Variants in DOCK5 observed in about 807,000 individuals in gnomAD.
DOCK5 encodes dedicator of cytokinesis 5, also known as dedicator of cytokinesis protein 5.
DOCK5 carries 142 observed loss-of-function variants against 251.8 expected under a neutral mutation model. The observed-to-expected ratio is 0.56, with a 90% confidence interval of 0.49 to 0.65. The LOEUF is 0.65. DOCK5 is among the 30% of genes least tolerant of loss of function. DOCK5 has a pLI of 0.00. For synonymous variants in DOCK5, 842 were observed against 835.5 expected (o/e 1.01, Z -0.13); for missense variants, 2,111 against 2,312.3 (o/e 0.91, Z 1.79).
intron 1 of DOCK5, among the ~76,000 whole-genome samples, chr8:25,220,241 AG>A (rs1447193622): frequency 6.6e-6 from 1 of 151,694 alleles, no homozygotes; most frequent in Admixed American, 6.6e-5. Flanking sequence ...TTCCTGTTAG[AG>A]AATTTCCCCA....
intron 46 of DOCK5, among the ~76,000 whole-genome samples, chr8:25,400,330 C>G (rs1002460334): frequency 2.0e-5 from 3 of 151,852 alleles, no homozygotes; most frequent in African/African-American, 7.3e-5. Flanking sequence ...GAAACCCCAT[C>G]TCTACTAAAA....
At chr8:25,361,645 T>C (rs946726041) in intron 28 of DOCK5, among the ~76,000 whole-genome samples, 11 of 152,036 alleles carry the variant, frequency 7.2e-5, no homozygotes, top group Non-Finnish European at 1.2e-4. Flanking sequence ...AAATAAAATA[T>C]ATGATGAAAC....
At chr8:25,329,974 T>G (rs765758552) in intron 18 of DOCK5, among the ~76,000 whole-genome samples, 22 of 152,164 alleles carry the variant, frequency 1.4e-4, no homozygotes, top group Non-Finnish European at 2.8e-4. Flanking sequence ...CCAAAATATT[T>G]TCCTATGTGA....
chr8:25,226,043 T>A (rs1178354040), intron 1 of DOCK5, among the ~76,000 whole-genome samples: 1 of 152,200 alleles, frequency 6.6e-6, no homozygotes, highest in African/African-American at 2.4e-5. Context: ...AATGTTATGC[T>A]ATGTTTATTT....
At chr8:25,220,834 C>A (rs1563312892) in intron 1 of DOCK5, among the ~76,000 whole-genome samples, 3 of 152,132 alleles carry the variant, frequency 2.0e-5, no homozygotes, top group African/African-American at 4.8e-5. Context: ...GAACTCCTGA[C>A]TTCAGGTGAT....
At chr8:25,362,370 G>C (rs924460726) in intron 28 of DOCK5, among the ~76,000 whole-genome samples, 2 of 151,892 alleles carry the variant, frequency 1.3e-5, no homozygotes, top group Non-Finnish European at 2.9e-5. Flanking sequence ...GATAAGGGTT[G>C]CAAACTTGGG....
Position 25,321,020 on chromosome 8 carries a change from G to T in DOCK5, c.1583G>T (p.Arg528Ile). The T allele has an allele frequency of 6.2e-7, 1 of 1,613,576 alleles. No homozygotes were observed. The highest frequency in any genetic ancestry group is 2.2e-5 in the East Asian group (1 of 44,872). Residue 528 changes from arginine (R) to isoleucine (I), a missense_variant, in exon 16 of 52, where the codon AGA becomes ATA. Around this residue, in one of 3 missense-constraint regions of DOCK5, gnomAD observed 1,717 missense variants for 1,892.4 expected, o/e 0.91. Transcript: ENST00000276440. ...GAAGAAGTCACACGCTGTCATATAA[G>T]ATTTACCTTCCGACACAGGTCATCT... ...AIEEVTRCHIRFTFRHRSSQE... is the reference protein window; with the variant it reads ...AIEEVTRCHIIFTFRHRSSQE...
intron 1 of DOCK5, among the ~76,000 whole-genome samples, chr8:25,189,528 T>G (rs903691676): frequency 6.6e-6 from 1 of 151,974 alleles, no homozygotes; most frequent in African/African-American, 2.4e-5. Context: ...AACCAGTTGA[T>G]TTTTGTATTT....
At chr8:25,275,504 A>C (rs1804025181) in intron 4 of DOCK5, 63 bp downstream of exon 4, 1 of 1,493,648 alleles carries the variant, frequency 6.7e-7, no homozygotes, top group Non-Finnish European at 9.2e-7. Context: ...CATTAATGAT[A>C]ATCTTTAGGC....
chr8:25,367,179 C>A (rs1800792381), intron 31 of DOCK5, among the ~76,000 whole-genome samples: 1 of 152,194 alleles, frequency 6.6e-6, no homozygotes, highest in Non-Finnish European at 1.5e-5. Context: ...CATCAGTCAT[C>A]CCATGCTTTT....
intron 12 of DOCK5, 97 bp downstream of exon 12, chr8:25,309,022 A>G: frequency 1.4e-6 from 2 of 1,473,170 alleles, no homozygotes; most frequent in South Asian, 2.8e-5. Flanking sequence ...TCTTTCTCTG[A>G]TACAAAACAG....
chr8:25,215,444 T>C (rs569626650), intron 1 of DOCK5, among the ~76,000 whole-genome samples: 17 of 152,132 alleles, frequency 1.1e-4, no homozygotes, highest in Middle Eastern at 3.4e-3. Context: ...GTGTTTCTTC[T>C]ACACCCCGAT....
At position 25,329,255 on chromosome 8, in the gene DOCK5, T is replaced by A. The variant is rs1004913572; in HGVS notation, c.1904-2996T>A. On this transcript the variant is annotated intron_variant, in intron 18 of 51. Coordinates refer to ENST00000276440, the MANE Select transcript of DOCK5 (RefSeq NM_024940.8). ...GTATATTGTTTCATTTTGCATTTTT[T>A]AATTTTATGTTAATAAATTAAATTA... 8.5e-5 allele frequency among the ~76,000 whole-genome samples: 13 copies of A among 152,352 alleles called. No individual in the cohort carries two copies. In the East Asian group the frequency reaches 1.5e-3, roughly 18 times the overall value.
rs192529719 is a variant in DOCK5, at chr8:25,385,520, T to C, written c.4131+2742T>C. On this transcript the variant is annotated intron_variant, in intron 40 of 51. Coordinates refer to ENST00000276440, the MANE Select transcript of DOCK5 (RefSeq NM_024940.8). Reference sequence around the variant, plus strand: ...ATCATTGGAGGGGGTAGTTGAACCATTTACTGGGACAGGAGGACCGGAAAA... The same window carrying C: ...ATCATTGGAGGGGGTAGTTGAACCACTTACTGGGACAGGAGGACCGGAAAA... Among the ~76,000 whole-genome samples, 293 of 152,172 alleles carry C rather than the reference T, an allele frequency of 1.9e-3. 2 individuals are homozygous for C. The highest frequency in any genetic ancestry group is 1.5e-3 in the Non-Finnish European group (102 of 67,994).
rs1805745479 is a variant in DOCK5 at position 25,334,166 on chromosome 8, A to G, written c.2162A>G (p.Tyr721Cys). ...HFNPVLETYI[Y>C]KHFSATLAYV... The stretch of plus-strand genomic sequence containing the variant: ...AATCCTGTACTTGAAACCTACATTT[A>G]CAAGCACTTCAGCGCCACTTTGGCA... The change falls in exon 21 of 52, where the codon TAC (tyrosine) becomes TGC (cysteine). Residue 721 changes from tyrosine to cysteine, a missense_variant. Physicochemically the swap from Tyr to Cys is radical, Grantham distance 194. This residue lies in a region of DOCK5 where 1,717 missense variants were observed against 1,892.4 expected (regional missense o/e 0.91). Coordinates refer to ENST00000276440, the MANE Select transcript of DOCK5 (RefSeq NM_024940.8). 1 of 1,613,880 alleles carries G rather than the reference A, an allele frequency of 6.2e-7. No individual in the cohort carries two copies.
intron 1 of DOCK5, among the ~76,000 whole-genome samples, chr8:25,203,380 A>G (rs1317147210): frequency 1.3e-5 from 2 of 152,236 alleles, no homozygotes; most frequent in Non-Finnish European, 2.9e-5. Flanking sequence ...AAATTGTTTG[A>G]TAGCTTCAGG....
intron 1 of DOCK5, among the ~76,000 whole-genome samples, chr8:25,217,176 GGAGA>G (rs557812748): frequency 4.7e-5 from 7 of 147,620 alleles, no homozygotes; most frequent in East Asian, 2.0e-4. Context: ...CCTGTTGTAG[GGAGA>G]GAGAGAGATA....
chr8:25,359,155 C>T (rs1000766871), intron 28 of DOCK5, 94 bp downstream of exon 28: 9 of 1,061,840 alleles, frequency 8.5e-6, no homozygotes, highest in South Asian at 6.6e-5. Context: ...CCAGGGTTCT[C>T]TTCCCACGCA....
At chr8:25,359,491 A>G (rs1586360542) in intron 28 of DOCK5, among the ~76,000 whole-genome samples, 1 of 152,222 alleles carries the variant, frequency 6.6e-6, no homozygotes. Flanking sequence ...TGCCCTTTAC[A>G]ACTGGTCCGT....
Sources: gnomAD v4.1 joint callset for allele counts (sites outside exome capture counted in the v4.1 genomes callset) on GRCh38, gnomAD v4.1.1 for gene constraint, gnomAD v4.1.1 regional missense constraint, MANE v1.5 for transcripts, NCBI Gene and HGNC (gene_info 2026-07-23, HGNC 2026-07-21) for gene names.